Variants in SLC20A2 observed in about 807,000 individuals in gnomAD.
SLC20A2 encodes sodium-dependent phosphate transporter 2.
In SLC20A2, 30 loss-of-function variants were observed where a neutral mutation model predicts 61.0. The observed-to-expected ratio is 0.49, with a 90% CI of 0.37 to 0.67. The LOEUF is 0.67. SLC20A2 is among the 30% of genes least tolerant of loss of function. The pLI, the probability that SLC20A2 is intolerant of heterozygous loss-of-function variation, is 0.00. For missense variants in SLC20A2, 626 were observed against 866.4 expected (o/e 0.72, Z 3.48); for synonymous variants, 351 against 353.3 (o/e 0.99, Z 0.07).
rs1363747319 is a variant in SLC20A2, at chr8:42,417,058, G to C, written c.*745C>G. ...GCAGGCGTGATCAGTGAGGGTGGGA[G>C]ACAGACAATGTGAAAACGTAACACT... On this transcript the variant is annotated 3_prime_UTR_variant, in exon 11 of 11. Transcript: ENST00000520262. The C allele has an allele frequency of 6.5e-6, 1 of 152,728 alleles. No homozygotes were observed. Among genetic ancestry groups the C allele is most frequent in the African/African-American group, 2.4e-5 (1 of 41,466 alleles). The allele number at this position is 152,728 out of a possible 1,614,324, so 9.5% of individuals were successfully genotyped here.
Position 42,463,085 on chromosome 8 carries a change from A to G in SLC20A2, c.436T>C (p.Ser146Pro), listed in dbSNP as rs965924291. ...GACAACAGTGGAGATATAAACCAAG[A>G]AGCAACTGAATAATTAAAAAAAAAA... ...QWMELVKIVA[S>P]WFISPLLSGF... The change falls in exon 4 of 11, where the codon TCT (serine) becomes CCT (proline). Residue 146 changes from serine to proline, a missense_variant. By Grantham distance (74) the Ser-to-Pro change is moderately conservative. Around this residue, in one of 3 missense-constraint regions of SLC20A2, gnomAD observed 127 missense variants for 215.4 expected, o/e 0.59. Coordinates refer to ENST00000520262, the MANE Select transcript of SLC20A2 (RefSeq NM_001257180.2). 14 of 1,576,040 alleles carry G rather than the reference A, an allele frequency of 8.9e-6. No homozygotes were observed. The highest frequency in any genetic ancestry group is 1.0e-5 in the Non-Finnish European group (12 of 1,156,770).
At chr8:42,481,765 G>C (rs1478632112) in intron 1 of SLC20A2, among the ~76,000 whole-genome samples, 1 of 152,094 alleles carries the variant, frequency 6.6e-6, no homozygotes, top group Non-Finnish European at 1.5e-5. Context: ...TGGACTTATG[G>C]GACATGAACA....
At chr8:42,477,634 C>T (rs1026859898) in intron 1 of SLC20A2, among the ~76,000 whole-genome samples, 3 of 151,744 alleles carry the variant, frequency 2.0e-5, no homozygotes, top group African/African-American at 7.3e-5. Context: ...CCATGTCCAG[C>T]TAATTTTTGT....
chr8:42,436,882 G>A, intron 8 of SLC20A2, 107 bp downstream of exon 8: 1 of 1,020,000 alleles, frequency 9.8e-7, no homozygotes, highest in African/African-American at 1.6e-5. Flanking sequence ...ATCCCTGGCA[G>A]GGACTTCCAT....
At chr8:42,466,502 A>G (rs1326968789) in intron 2 of SLC20A2, among the ~76,000 whole-genome samples, 1 of 152,178 alleles carries the variant, frequency 6.6e-6, no homozygotes, top group Non-Finnish European at 1.5e-5. Context: ...AAAACCAAGC[A>G]AGAGATTAAA....
At chr8:42,478,406 T>TA (rs2131262582) in intron 1 of SLC20A2, among the ~76,000 whole-genome samples, 1 of 151,840 alleles carries the variant, frequency 6.6e-6, no homozygotes, top group Non-Finnish European at 1.5e-5. Context: ...GAGACAGGGT[T>TA]TCACCATGTT....
At chr8:42,499,066 GAT>G in intron 1 of SLC20A2, among the ~76,000 whole-genome samples, 2 of 152,196 alleles carry the variant, frequency 1.3e-5, no homozygotes, top group Non-Finnish European at 2.9e-5. Context: ...GGAGGAGTAG[GAT>G]GAGAGCACGG....
Position 42,439,493 on chromosome 8 carries a change from G to A in SLC20A2, c.891C>T (p.Thr297=). 6.2e-7 allele frequency: 1 copy of A among 1,614,054 alleles called. No individual in the cohort carries two copies. Among genetic ancestry groups the A allele is most frequent in the Non-Finnish European group, 8.5e-7 (1 of 1,180,038 alleles). The change falls in exon 7 of 11, where the codon ACC becomes ACT. Residue 297 remains threonine (T), a synonymous_variant. Transcript: ENST00000520262. ...GGCTGCCCGCAGAAGTGCCTTCCGA[G>A]GTCCCCAGTGTCTCCCCTGCTGCTC... The part of the protein sequence containing the change: ...LTGAAGETLG[T]SEGTSAGSHP...
At chr8:42,434,486 C>T (rs1804093319) in intron 8 of SLC20A2, among the ~76,000 whole-genome samples, 1 of 152,102 alleles carries the variant, frequency 6.6e-6, no homozygotes, top group South Asian at 2.1e-4. Context: ...CTTGTCTCCT[C>T]CCCCAGCCAG....
intron 2 of SLC20A2, 134 bp from the exon 3 acceptor site, chr8:42,466,051 C>T: frequency 1.2e-6 from 1 of 803,682 alleles, no homozygotes; most frequent in Non-Finnish European, 1.9e-6. Flanking sequence ...TTACAAAGCG[C>T]TACAGCCTGG....
chr8:42,447,664 G>A (rs953181139), intron 5 of SLC20A2, among the ~76,000 whole-genome samples: 2 of 152,192 alleles, frequency 1.3e-5, no homozygotes, highest in South Asian at 2.1e-4. Context: ...GCGACAGAGC[G>A]AGATTCTATC....
At chr8:42,481,883 A>G (rs1449643954) in intron 1 of SLC20A2, among the ~76,000 whole-genome samples, 1 of 151,228 alleles carries the variant, frequency 6.6e-6, no homozygotes, top group Non-Finnish European at 1.5e-5. Context: ...CTCTGTCCAC[A>G]CTCCCTCCGC....
intron 4 of SLC20A2, 62 bp from the exon 5 acceptor site, chr8:42,460,054 C>A: frequency 3.3e-6 from 3 of 918,436 alleles, no homozygotes; most frequent in Middle Eastern, 2.3e-4. Context: ...GGAGCCAACA[C>A]AGACAAAATG....
At chr8:42,466,697 G>A (rs761890061) in intron 2 of SLC20A2, among the ~76,000 whole-genome samples, 34 of 151,238 alleles carry the variant, frequency 2.2e-4, no homozygotes, top group African/African-American at 7.5e-4. Context: ...TAGAGACAGC[G>A]TCTCACTCTT....
At chr8:42,528,969 T>C (rs1359667222) in intron 1 of SLC20A2, among the ~76,000 whole-genome samples, 2 of 126,534 alleles carry the variant, frequency 1.6e-5, no homozygotes, top group African/African-American at 8.1e-5. Flanking sequence ...GCCCGGCCTA[T>C]TATTATTATT....
intron 1 of SLC20A2, among the ~76,000 whole-genome samples, chr8:42,490,627 G>A (rs144955889): frequency 2.2e-4 from 34 of 151,860 alleles, no homozygotes; most frequent in African/African-American, 5.5e-4. Context: ...CCCAAACTCT[G>A]GATTTATTTA....
intron 6 of SLC20A2, among the ~76,000 whole-genome samples, chr8:42,442,280 C>G (rs1245102016): frequency 6.6e-6 from 1 of 151,780 alleles, no homozygotes; most frequent in Non-Finnish European, 1.5e-5. Context: ...ATCTAAAAAC[C>G]CTTTCTCAAC....
At chr8:42,484,079 G>GC (rs1204654902) in intron 1 of SLC20A2, among the ~76,000 whole-genome samples, 4 of 152,150 alleles carry the variant, frequency 2.6e-5, no homozygotes, top group Non-Finnish European at 5.9e-5. Context: ...TCAACTTACA[G>GC]CCCCATATTT....
intron 1 of SLC20A2, among the ~76,000 whole-genome samples, chr8:42,524,342 G>C (rs867053855): frequency 9.9e-5 from 15 of 152,238 alleles, no homozygotes; most frequent in African/African-American, 3.4e-4. Flanking sequence ...ATAACATGGT[G>C]GTGGGGGGAG....
Sources: gnomAD v4.1 joint callset for allele counts (sites outside exome capture counted in the v4.1 genomes callset) on GRCh38, gnomAD v4.1.1 for gene constraint, gnomAD v4.1.1 regional missense constraint, MANE v1.5 for transcripts, NCBI Gene and HGNC (gene_info 2026-07-23, HGNC 2026-07-21) for gene names.